PRRX1: variants seen among roughly 807,000 people sequenced by gnomAD.
The protein encoded by PRRX1 is paired related homeobox 1.
In PRRX1, 8 loss-of-function variants were observed where a neutral mutation model predicts 24.0. The ratio of observed to expected loss-of-function variants is 0.33; its 90% CI spans 0.20 to 0.60. PRRX1 has a LOEUF of 0.60. Ranked by LOEUF, PRRX1 falls within the 20% of genes least tolerant of loss-of-function variation. The pLI is 0.82. For missense variants in PRRX1, 281 were observed against 322.4 expected, an observed-to-expected ratio of 0.87 and a Z score of 0.98; for synonymous variants, 160 against 131.7, an observed-to-expected ratio of 1.22 and a Z score of -1.47.
intron 1 of PRRX1, among the ~76,000 whole-genome samples, chr1:170,718,000 T>TGG (rs1007205175): frequency 6.6e-6 from 1 of 152,172 alleles, no homozygotes; most frequent in Non-Finnish European, 1.5e-5. Context: ...CCACCAAAGC[T>TGG]GGGCCCTGAG....
At chr1:170,674,545 A>C (rs183127315) in intron 1 of PRRX1, among the ~76,000 whole-genome samples, 17 of 152,190 alleles carry the variant, frequency 1.1e-4, no homozygotes, top group African/African-American at 4.1e-4. Flanking sequence ...GTGGCTCCAC[A>C]AGTAGTGCTC....
At chr1:170,730,415 T>A in intron 3 of PRRX1, 1 of 1,360,744 alleles carries the variant, frequency 7.3e-7, no homozygotes, top group Non-Finnish European at 1.0e-6. Context: ...TCAGAGTGTT[T>A]AAGAAAGTGG....
At chr1:170,677,088 T>G (rs1480976763) in intron 1 of PRRX1, among the ~76,000 whole-genome samples, 1 of 152,218 alleles carries the variant, frequency 6.6e-6, no homozygotes, top group African/African-American at 2.4e-5. Context: ...ATGCATTTTG[T>G]TGGATTTACA....
At chr1:170,726,004 T>G (rs191497450) in intron 2 of PRRX1, among the ~76,000 whole-genome samples, 6 of 152,252 alleles carry the variant, frequency 3.9e-5, no homozygotes, top group Non-Finnish European at 7.4e-5. Flanking sequence ...AATTTCATGG[T>G]CTTGTTGTAA....
intron 1 of PRRX1, among the ~76,000 whole-genome samples, chr1:170,682,214 T>C (rs1653569517): frequency 6.6e-6 from 1 of 152,050 alleles, no homozygotes; most frequent in Non-Finnish European, 1.5e-5. Context: ...TAGAACTAGA[T>C]GAATTTAATC....
intron 3 of PRRX1, among the ~76,000 whole-genome samples, chr1:170,729,376 G>T (rs1054179507): frequency 6.6e-6 from 1 of 152,090 alleles, no homozygotes; most frequent in Non-Finnish European, 1.5e-5. Context: ...CGACAGTTTT[G>T]CCAGAAAGGA....
intron 1 of PRRX1, among the ~76,000 whole-genome samples, chr1:170,691,880 G>A (rs1653995556): frequency 6.6e-6 from 1 of 152,072 alleles, no homozygotes; most frequent in Admixed American, 6.6e-5. Flanking sequence ...AGAGCACTAT[G>A]GGGCCTTCTG....
chr1:170,692,739 T>TCACA (rs752023390), intron 1 of PRRX1, among the ~76,000 whole-genome samples: 61 of 141,432 alleles, frequency 4.3e-4, no homozygotes, highest in African/African-American at 1.2e-3. Context: ...TCTCTCTCTC[T>TCACA]CTCACACACA....
chr1:170,736,210 C>A lies in PRRX1; in HGVS notation c.*24C>A, dbSNP rs2101929618. 1 of 1,613,644 alleles carries A rather than the reference C, an allele frequency of 6.2e-7. No homozygotes were observed. Reference sequence around the variant, plus strand: ...GAGGAAAAAAAATAATTAAACAGGCCTAAGAAGAAATCAAAAACCATAAGA... The same window carrying A: ...GAGGAAAAAAAATAATTAAACAGGCATAAGAAGAAATCAAAAACCATAAGA... On this transcript the variant is annotated 3_prime_UTR_variant, in exon 4 of 4. Transcript: ENST00000239461.
intron 1 of PRRX1, among the ~76,000 whole-genome samples, chr1:170,666,417 CAAAAA>C (rs35075394): frequency 4.0e-5 from 3 of 75,940 alleles, no homozygotes; most frequent in Admixed American, 1.5e-4. Context: ...GACTCCGTCT[CAAAAA>C]AAAAAAAAAA....
chr1:170,679,587 G>T (rs1387122107), intron 1 of PRRX1, among the ~76,000 whole-genome samples: 11 of 152,050 alleles, frequency 7.2e-5, no homozygotes, highest in Admixed American at 7.2e-4. Context: ...TTTCAGTAGA[G>T]ACGGGGCTTC....
rs142909253 is a variant in PRRX1, at chr1:170,717,031, G to T, written c.242-2695G>T. ...GCTGCTCGAGCTGTCTCTGTTGCCC[G>T]CTCATCGTCTCTTTCTATTATACTT... On this transcript the variant is annotated intron_variant, in intron 1 of 3. Transcript: ENST00000239461. 2.6e-4 allele frequency among the ~76,000 whole-genome samples: 40 copies of T among 152,158 alleles called. 1 individual carries two copies. The highest frequency in any genetic ancestry group is 2.4e-3 in the Admixed American group (37 of 15,276).
At position 170,726,303 on chromosome 1, in the gene PRRX1, C is replaced by A; in HGVS notation, c.501C>A (p.Ser167=). 1 of 1,614,042 alleles carries A rather than the reference C, an allele frequency of 6.2e-7. No individual in the cohort carries two copies. Among genetic ancestry groups the A allele is most frequent in the Non-Finnish European group, 8.5e-7 (1 of 1,179,930 alleles). Residue 167 remains serine, a synonymous_variant, in exon 3 of 4, where the codon TCC becomes TCA. Coordinates refer to ENST00000239461, the MANE Select transcript of PRRX1 (RefSeq NM_022716.4). ...ATAAAAACGCTTCCCTCCTCAAATC[C>A]TACTCAGGAGACGTGACTGCTGTGG... is the stretch of plus-strand genomic sequence containing the variant. ...LANKNASLLK[S]YSGDVTAVEQ... is the part of the protein sequence containing the mutation.
chr1:170,698,421 A>G (rs1654246419), intron 1 of PRRX1, among the ~76,000 whole-genome samples: 2 of 152,218 alleles, frequency 1.3e-5, no homozygotes, highest in African/African-American at 4.8e-5. Context: ...ATCCTAAAGA[A>G]TGGAATCATT....
intron 1 of PRRX1, among the ~76,000 whole-genome samples, chr1:170,703,374 G>A (rs1034021716): frequency 6.6e-6 from 1 of 152,104 alleles, no homozygotes; most frequent in Non-Finnish European, 1.5e-5. Context: ...ACCTCCTAGT[G>A]TAGTGAAATA....
rs1241811430 is a variant in PRRX1, at chr1:170,723,556, T to C, written c.418-2664T>C. ...GAGTAAATGAATGAGTAGAATTCCA[T>C]AGCACTCTAGAAGAGTTGTATGATC... On this transcript the variant is annotated intron_variant, in intron 2 of 3. Coordinates refer to ENST00000239461, the MANE Select transcript of PRRX1 (RefSeq NM_022716.4). 2.0e-5 allele frequency among the ~76,000 whole-genome samples: 3 copies of C among 152,312 alleles called. No homozygotes were observed. The East Asian group carries it at 5.8e-4, about 29-fold the overall frequency.
Position 170,719,854 on chromosome 1 carries a change from C to T in PRRX1, c.370C>T (p.Arg124Ter), listed in dbSNP as rs1435541934. Residue 124 changes from arginine (R) to a stop codon, truncating the protein, a stop_gained, in exon 2 of 4, where the codon CGA becomes TGA. Transcript: ENST00000239461. LOFTEE classifies it high-confidence loss of function. The part of the protein sequence containing the change: ...ERTHYPDAFV[R>*]EDLARRVNLT... Reference sequence around the variant, plus strand: ...GACACACTATCCTGATGCTTTTGTGCGAGAAGACCTTGCCCGCCGGGTGAA... The same window carrying T: ...GACACACTATCCTGATGCTTTTGTGTGAGAAGACCTTGCCCGCCGGGTGAA... 1.2e-6 allele frequency: 2 copies of T among 1,614,132 alleles called. No individual in the cohort carries two copies. Among genetic ancestry groups the T allele is most frequent in the Non-Finnish European group, 1.7e-6 (2 of 1,180,028 alleles).
intron 2 of PRRX1, among the ~76,000 whole-genome samples, chr1:170,722,269 T>C (rs1655114782): frequency 6.6e-6 from 1 of 152,180 alleles, no homozygotes; most frequent in Non-Finnish European, 1.5e-5. Flanking sequence ...TGAAATGTAT[T>C]ATATTGAGTT....
At chr1:170,685,401 C>G (rs1247297315) in intron 1 of PRRX1, among the ~76,000 whole-genome samples, 1 of 152,120 alleles carries the variant, frequency 6.6e-6, no homozygotes, top group Non-Finnish European at 1.5e-5. Context: ...CGGCAGTGCT[C>G]TGAAGGCTGA....
Sources: allele counts gnomAD v4.1 joint callset (sites outside exome capture counted in the v4.1 genomes callset), GRCh38; gene constraint gnomAD v4.1.1; transcripts MANE v1.5; gene names NCBI Gene and HGNC (gene_info 2026-07-23, HGNC 2026-07-21).